The following NRXN3 variants were observed in gnomAD, a reference collection of about 807,000 sequenced individuals.
NRXN3 encodes neurexin III.
NRXN3 carries 32 observed loss-of-function variants against 137.6 expected under a neutral mutation model. The ratio of observed to expected loss-of-function variants is 0.23; its 90% CI spans 0.18 to 0.31. The LOEUF (loss-of-function observed/expected upper bound fraction) is 0.31, where lower values mean the gene tolerates loss of function less well. Ranked by LOEUF, NRXN3 falls within the 10% of genes least tolerant of loss-of-function variation. NRXN3 has a pLI of 1.00. For missense variants in NRXN3, 1,574 were observed against 2,062.5 expected (o/e 0.76, Z 4.59); for synonymous variants, 798 against 784.5 (o/e 1.02, Z -0.29).
chr14:79,550,178 C>T (rs1039776787), intron 16 of NRXN3, among the ~76,000 whole-genome samples: 9 of 152,008 alleles, frequency 5.9e-5, no homozygotes, highest in African/African-American at 1.7e-4. Flanking sequence ...ACCATATTGG[C>T]CAGGATGGTC....
At chr14:78,938,100 G>A (rs2099345576) in intron 10 of NRXN3, among the ~76,000 whole-genome samples, 1 of 152,002 alleles carries the variant, frequency 6.6e-6, no homozygotes. Flanking sequence ...CAGAAAGGAT[G>A]AATACAGAGG....
rs12896617 is a variant in NRXN3 at position 79,048,812 on chromosome 14, C to T, written c.3262+60671C>T. On this transcript the variant is annotated intron_variant, in intron 15 of 20. Transcript: ENST00000335750. ...GGCCGAGACGGGCGGATCACGAGGT[C>T]AGGAGATCGAGACCATCCTGGCTAA... Among the ~76,000 whole-genome samples, 416 of 149,608 alleles carry T rather than the reference C, an allele frequency of 2.8e-3. 1 individual carries two copies. Among genetic ancestry groups the T allele is most frequent in the Non-Finnish European group, 4.0e-3 (267 of 67,432 alleles).
intron 4 of NRXN3, among the ~76,000 whole-genome samples, chr14:78,535,513 A>T (rs1343233591): frequency 6.6e-6 from 1 of 152,156 alleles, no homozygotes; most frequent in Non-Finnish European, 1.5e-5. Context: ...GTATTCCAAG[A>T]TGTAGTTATA....
intron 1 of NRXN3, among the ~76,000 whole-genome samples, chr14:78,184,091 A>C (rs1310285677): frequency 2.0e-5 from 3 of 152,244 alleles, no homozygotes; most frequent in Non-Finnish European, 4.4e-5. Flanking sequence ...AGAAAACACC[A>C]AAAACAAAAA....
intron 6 of NRXN3, among the ~76,000 whole-genome samples, chr14:78,692,745 T>A (rs11628562): frequency 0.11 from 17,495 of 152,246 alleles, 1,047 homozygotes; most frequent in East Asian, 0.15. Context: ...AATTATGGCA[T>A]CTTATAGAAT....
At chr14:79,230,373 C>T (rs894752433) in intron 15 of NRXN3, among the ~76,000 whole-genome samples, 1 of 152,056 alleles carries the variant, frequency 6.6e-6, no homozygotes, top group Non-Finnish European at 1.5e-5. Flanking sequence ...GGTTGCCTAG[C>T]CTGAAGATTC....
intron 2 of NRXN3, among the ~76,000 whole-genome samples, chr14:78,253,855 T>C (rs1308261358): frequency 1.5e-5 from 2 of 136,894 alleles, no homozygotes; most frequent in East Asian, 5.1e-4. Flanking sequence ...GCTTGGTGCT[T>C]TTCAAGGCAG....
At chr14:79,376,059 A>G (rs2094267614) in intron 15 of NRXN3, among the ~76,000 whole-genome samples, 1 of 127,196 alleles carries the variant, frequency 7.9e-6, no homozygotes, top group Non-Finnish European at 1.8e-5. Context: ...TGTAAGTAAT[A>G]TATATCTCTC....
intron 10 of NRXN3, among the ~76,000 whole-genome samples, chr14:78,897,699 A>G (rs1318696061): frequency 6.6e-6 from 1 of 151,888 alleles, no homozygotes; most frequent in Non-Finnish European, 1.5e-5. Flanking sequence ...AGCATTACAC[A>G]TTTATCCCAA....
chr14:79,082,074 A>G (rs570102032), intron 15 of NRXN3, among the ~76,000 whole-genome samples: 182 of 140,318 alleles, frequency 1.3e-3, no homozygotes, highest in Non-Finnish European at 2.4e-3. Context: ...ATACATATAT[A>G]TATACATATA....
At chr14:79,044,542 C>T (rs1333164592) in intron 15 of NRXN3, among the ~76,000 whole-genome samples, 1 of 152,074 alleles carries the variant, frequency 6.6e-6, no homozygotes, top group African/African-American at 2.4e-5. Context: ...AATGGCTGGC[C>T]CATGTTGAAT....
intron 10 of NRXN3, among the ~76,000 whole-genome samples, chr14:78,832,037 C>A (rs1483905138): frequency 1.3e-5 from 2 of 151,866 alleles, no homozygotes; most frequent in African/African-American, 4.8e-5. Context: ...CATAAAAGTG[C>A]CTAGATCAAA....
chr14:78,715,413 A>T (rs1050435326), intron 8 of NRXN3, among the ~76,000 whole-genome samples: 5 of 152,156 alleles, frequency 3.3e-5, no homozygotes, highest in African/African-American at 1.2e-4. Flanking sequence ...AGGGTAAATA[A>T]TTCTCTTTTG....
At chr14:78,489,145 G>A (rs989046199) in intron 4 of NRXN3, among the ~76,000 whole-genome samples, 20 of 152,168 alleles carry the variant, frequency 1.3e-4, no homozygotes, top group African/African-American at 4.8e-4. Context: ...GAGCACAAAT[G>A]TGTGCACAGG....
intron 4 of NRXN3, among the ~76,000 whole-genome samples, chr14:78,360,307 A>C (rs1289763858): frequency 2.6e-5 from 4 of 152,194 alleles, no homozygotes; most frequent in Admixed American, 6.5e-5. Context: ...CACTGTTTAA[A>C]AAAAAATCTA....
intron 15 of NRXN3, among the ~76,000 whole-genome samples, chr14:79,134,064 T>G (rs2057959374): frequency 6.6e-6 from 1 of 152,224 alleles, no homozygotes; most frequent in African/African-American, 2.4e-5. Flanking sequence ...CTTGTGTGCC[T>G]TCAAATTTAT....
chr14:78,455,183 G>T (rs1472462661), intron 4 of NRXN3, among the ~76,000 whole-genome samples: 4 of 152,160 alleles, frequency 2.6e-5, no homozygotes. Context: ...CCCTACATGG[G>T]ACCTTCCATC....
chr14:78,831,747 A>G (rs1220747079), intron 10 of NRXN3, among the ~76,000 whole-genome samples: 2 of 151,778 alleles, frequency 1.3e-5, no homozygotes, highest in Non-Finnish European at 2.9e-5. Context: ...CACTATTCAC[A>G]GTTTTTTTTA....
At chr14:79,241,492 A>G (rs1304870190) in intron 15 of NRXN3, among the ~76,000 whole-genome samples, 1 of 152,118 alleles carries the variant, frequency 6.6e-6, no homozygotes, top group East Asian at 1.9e-4. Context: ...GGGAACTCCC[A>G]TTTATATAAC....
Sources: gnomAD v4.1 joint callset for allele counts (sites outside exome capture counted in the v4.1 genomes callset) on GRCh38, gnomAD v4.1.1 for gene constraint, MANE v1.5 for transcripts, NCBI Gene and HGNC (gene_info 2026-07-23, HGNC 2026-07-21) for gene names.